The following PUM2 variants were observed in gnomAD, a reference collection of about 807,000 sequenced individuals.
The protein encoded by PUM2 is pumilio RNA binding family member 2.
Under a neutral mutation model 124.5 loss-of-function variants are expected in PUM2, and 57 were observed. The ratio of observed to expected loss-of-function variants is 0.46; its 90% CI spans 0.37 to 0.57. The LOEUF is 0.57. Ranked by LOEUF, PUM2 falls within the 20% of genes least tolerant of loss-of-function variation. The pLI is 0.00. For synonymous variants in PUM2, 460 were observed against 446.1 expected, an observed-to-expected ratio of 1.03 and a Z score of -0.39; for missense variants, 1,065 against 1,290.6, an observed-to-expected ratio of 0.83 and a Z score of 2.68.
At chr2:20,310,423 T>C (rs995637470) in intron 5 of PUM2, among the ~76,000 whole-genome samples, 2 of 152,062 alleles carry the variant, frequency 1.3e-5, no homozygotes, top group Non-Finnish European at 2.9e-5. Context: ...TAGTTAATGG[T>C]GTATTAACAC....
chr2:20,315,849 A>AAC (rs1434253919), intron 3 of PUM2, among the ~76,000 whole-genome samples: 1 of 151,294 alleles, frequency 6.6e-6, no homozygotes, highest in African/African-American at 2.4e-5. Flanking sequence ...AAAAAAAAAA[A>AAC]AAAAAAAAAC....
intron 1 of PUM2, among the ~76,000 whole-genome samples, chr2:20,333,985 T>C (rs946802799): frequency 1.3e-5 from 2 of 152,156 alleles, no homozygotes; most frequent in Non-Finnish European, 2.9e-5. Flanking sequence ...CTGCTTTCAC[T>C]TCACCTTCTG....
At chr2:20,311,035 A>C (rs1243538991) in intron 5 of PUM2, among the ~76,000 whole-genome samples, 1 of 152,084 alleles carries the variant, frequency 6.6e-6, no homozygotes, top group East Asian at 1.9e-4. Context: ...TATTTTAAGA[A>C]AGATTACTGC....
At chr2:20,251,900 G>A (rs1199460518) in intron 20 of PUM2, among the ~76,000 whole-genome samples, 184 bp from the exon 21 acceptor site, 2 of 152,100 alleles carry the variant, frequency 1.3e-5, no homozygotes, top group Non-Finnish European at 2.9e-5. Flanking sequence ...ATCTGTTCTC[G>A]AAATTGTTCA....
At chr2:20,321,406 A>G (rs1312508869) in intron 2 of PUM2, among the ~76,000 whole-genome samples, 3 of 152,248 alleles carry the variant, frequency 2.0e-5, no homozygotes, top group Non-Finnish European at 4.4e-5. Context: ...CTATACTATG[A>G]GTACCTTCAT....
intron 1 of PUM2, among the ~76,000 whole-genome samples, chr2:20,331,467 G>GC (rs1684893522): frequency 1.3e-5 from 2 of 152,130 alleles, no homozygotes; most frequent in African/African-American, 4.8e-5. Context: ...CTGAGCTTCG[G>GC]CCAGTAGCCT....
chr2:20,291,135 T>C (rs1673971030), intron 9 of PUM2, among the ~76,000 whole-genome samples: 1 of 152,212 alleles, frequency 6.6e-6, no homozygotes, highest in East Asian at 1.9e-4. Context: ...GACTCCAGCC[T>C]GACATCTGCT....
At chr2:20,351,871 G>A (rs1274308714), upstream of PUM2, among the ~76,000 whole-genome samples, 2 of 152,200 alleles carry the variant, frequency 1.3e-5, no homozygotes, top group African/African-American at 2.4e-5. Flanking sequence ...GCCCGCAAGT[G>A]CCTGTTGAAT....
chr2:20,272,423 T>C (rs1669267483), intron 13 of PUM2, among the ~76,000 whole-genome samples: 3 of 152,218 alleles, frequency 2.0e-5, no homozygotes, highest in Admixed American at 2.0e-4. Flanking sequence ...CCTGCCCAAG[T>C]CACTGAAACA....
intron 19 of PUM2, among the ~76,000 whole-genome samples, 193 bp downstream of exon 19, chr2:20,254,670 A>G (rs11686919): frequency 0.32 from 48,474 of 151,974 alleles, 8,580 homozygotes; most frequent in East Asian, 0.74. Flanking sequence ...ATAAATGAAC[A>G]TATGTGGGCA....
chr2:20,325,664 C>T (rs1683510093), intron 2 of PUM2, among the ~76,000 whole-genome samples: 1 of 151,694 alleles, frequency 6.6e-6, no homozygotes, highest in Non-Finnish European at 1.5e-5. Flanking sequence ...GTTTGTCCCC[C>T]AGGCCAGAGA....
intron 10 of PUM2, among the ~76,000 whole-genome samples, chr2:20,285,987 T>C (rs975301292): frequency 6.6e-6 from 1 of 151,990 alleles, no homozygotes; most frequent in African/African-American, 2.4e-5. Flanking sequence ...CATCTCCAAA[T>C]AGAAGACACA....
At chr2:20,325,387 A>C (rs1683419863) in intron 2 of PUM2, among the ~76,000 whole-genome samples, 1 of 152,184 alleles carries the variant, frequency 6.6e-6, no homozygotes. Context: ...GTCTGGATTT[A>C]AGCTTTTTTC....
At chr2:20,252,901 A>AT in intron 20 of PUM2, among the ~76,000 whole-genome samples, 1 of 152,342 alleles carries the variant, frequency 6.6e-6, no homozygotes, top group South Asian at 2.1e-4. Context: ...TATTAAACAG[A>AT]TTTTTTACTT....
At chr2:20,295,192 T>A (rs1218471855) in intron 8 of PUM2, among the ~76,000 whole-genome samples, 1 of 152,078 alleles carries the variant, frequency 6.6e-6, no homozygotes, top group Non-Finnish European at 1.5e-5. Flanking sequence ...AATAAATTGT[T>A]CCTGCTCTAG....
At position 20,253,937 on chromosome 2, in the gene PUM2, T is replaced by C. The variant is rs764528731; in HGVS notation, c.2948A>G (p.Asn983Ser). The C allele has an allele frequency of 1.2e-6, 2 of 1,613,952 alleles. No individual in the cohort carries two copies. Among genetic ancestry groups the C allele is most frequent in the Admixed American group, 3.3e-5 (2 of 59,996 alleles). Residue 983 changes from asparagine to serine, a missense_variant, in exon 20 of 21, where the codon AAT (asparagine) becomes AGT (serine). Around this residue, in one of 3 missense-constraint regions of PUM2, gnomAD observed 968 missense variants for 1,159.8 expected, o/e 0.83. Transcript: ENST00000361078. ...ALLIDEVCCQ[N>S]DGPHSALYTM... ...GTATAAGGCACTGTGAGGACCATCA[T>C]TCTGGCAGCAAACCTCGTCAATCAG...
intron 7 of PUM2, 84 bp downstream of exon 7, chr2:20,307,894 C>G: frequency 6.6e-7 from 1 of 1,514,666 alleles, no homozygotes; most frequent in Non-Finnish European, 8.9e-7. Context: ...AGTAACAAAA[C>G]CTCACCAATC....
intron 13 of PUM2, among the ~76,000 whole-genome samples, chr2:20,267,868 C>T (rs1668071630): frequency 6.6e-6 from 1 of 152,152 alleles, no homozygotes; most frequent in African/African-American, 2.4e-5. Flanking sequence ...GGTTCCAGGA[C>T]CCACACAAGA....
intron 2 of PUM2, among the ~76,000 whole-genome samples, chr2:20,324,162 T>C (rs1683102924): frequency 6.6e-6 from 1 of 152,116 alleles, no homozygotes; most frequent in Non-Finnish European, 1.5e-5. Flanking sequence ...GAGATACATG[T>C]GATTCATACA....
Sources: gnomAD v4.1 joint callset for allele counts (sites outside exome capture counted in the v4.1 genomes callset) on GRCh38, gnomAD v4.1.1 for gene constraint, gnomAD v4.1.1 regional missense constraint, MANE v1.5 for transcripts, NCBI Gene and HGNC (gene_info 2026-07-23, HGNC 2026-07-21) for gene names.